The following PDGFD variants were observed in gnomAD, a reference collection of about 807,000 sequenced individuals.
PDGFD encodes the protein platelet-derived growth factor D.
In PDGFD, 30 loss-of-function variants were observed where a neutral mutation model predicts 44.7. That is an observed-to-expected ratio of 0.67 (90% CI 0.50 to 0.91). PDGFD has a LOEUF of 0.91. Among genes scored for constraint, PDGFD ranks in the 40% least tolerant of loss-of-function variants. PDGFD has a pLI of 0.00. For synonymous variants in PDGFD, 173 were observed against 168.4 expected, an observed-to-expected ratio of 1.03 and a Z score of -0.21; for missense variants, 445 against 457.8, an observed-to-expected ratio of 0.97 and a Z score of 0.25.
intron 1 of PDGFD, among the ~76,000 whole-genome samples, chr11:104,053,647 G>C (rs546250239): frequency 2.6e-5 from 4 of 152,166 alleles, no homozygotes; most frequent in Non-Finnish European, 5.9e-5. Flanking sequence ...TAAATTGGGA[G>C]GGGGCAAATC....
At chr11:104,042,089 A>G (rs1460434015) in intron 1 of PDGFD, among the ~76,000 whole-genome samples, 2 of 152,206 alleles carry the variant, frequency 1.3e-5, no homozygotes, top group African/African-American at 4.8e-5. Context: ...AAAGAAGAGG[A>G]GCAAACATAA....
intron 3 of PDGFD, among the ~76,000 whole-genome samples, chr11:103,976,985 C>T (rs536192004): frequency 7.2e-5 from 11 of 152,014 alleles, no homozygotes; most frequent in African/African-American, 2.7e-4. Flanking sequence ...ATCAAATAAA[C>T]AGAATAGAAA....
chr11:104,119,230 T>C (rs1168018597), intron 1 of PDGFD, among the ~76,000 whole-genome samples: 1 of 18,450 alleles, frequency 5.4e-5, no homozygotes, highest in Non-Finnish European at 1.1e-4. Flanking sequence ...ATTGATATAA[T>C]ATATAATATA....
At chr11:104,117,716 G>T (rs950721900) in intron 1 of PDGFD, among the ~76,000 whole-genome samples, 1 of 151,898 alleles carries the variant, frequency 6.6e-6, no homozygotes, top group African/African-American at 2.4e-5. Context: ...ACAAAACACT[G>T]CTAAAAGAAA....
intron 1 of PDGFD, chr11:104,036,962 T>C (rs1321230584): frequency 6.2e-7 from 1 of 1,614,200 alleles, no homozygotes; most frequent in South Asian, 1.1e-5. Flanking sequence ...GAGATCCAGA[T>C]CATCCACATG....
chr11:104,058,670 C>T (rs1342176895), intron 1 of PDGFD, among the ~76,000 whole-genome samples: 2 of 152,192 alleles, frequency 1.3e-5, no homozygotes, highest in African/African-American at 4.8e-5. Flanking sequence ...CAGAGCTATA[C>T]TCACATGTTC....
Position 103,996,176 on chromosome 11 carries a change from G to T in PDGFD, c.399C>A (p.His133Gln). ...ATTTTATCCTTGGAGGAACTTCCTT[G>T]TGTCCACACCATCGTCCTCTAATAA... is the stretch of plus-strand genomic sequence containing the variant. ...STIIRGRWCG[H>Q]KEVPPRIKSR... Residue 133 changes from histidine (H) to glutamine (Q), a missense_variant, in exon 3 of 7, where the codon CAC becomes CAA. Coordinates refer to ENST00000393158, the MANE Select transcript of PDGFD (RefSeq NM_025208.5). 6.2e-7 allele frequency: 1 copy of T among 1,613,446 alleles called. No homozygotes were observed. The highest frequency in any genetic ancestry group is 1.7e-4 in the Middle Eastern group (1 of 6,054).
In PDGFD at chr11:104,000,107, T is replaced by C; in HGVS notation, c.273A>G (p.Ile91Met). 4 of 1,614,152 alleles carry C rather than the reference T, an allele frequency of 2.5e-6. No homozygotes were observed. The highest frequency in any genetic ancestry group is 3.4e-6 in the Non-Finnish European group (4 of 1,180,010). ...WRLHSQENTRIQLVFDNQFGL... is the reference protein window; with the variant it reads ...WRLHSQENTRMQLVFDNQFGL... Reference sequence around the variant, plus strand: ...CAAACTGATTGTCAAACACTAGCTGTATCCGTGTATTCTCCTGAGAGTGAA... The same window carrying C: ...CAAACTGATTGTCAAACACTAGCTGCATCCGTGTATTCTCCTGAGAGTGAA... Residue 91 changes from isoleucine (I) to methionine (M), a missense_variant, in exon 2 of 7, where the codon ATA (isoleucine) becomes ATG (methionine). Coordinates refer to ENST00000393158, the MANE Select transcript of PDGFD (RefSeq NM_025208.5).
intron 3 of PDGFD, among the ~76,000 whole-genome samples, chr11:103,956,348 T>C (rs978097134): frequency 1.3e-5 from 2 of 151,230 alleles, no homozygotes; most frequent in African/African-American, 2.4e-5. Context: ...TTACTGAGAA[T>C]GATGATTTCC....
chr11:104,014,032 G>C (rs957224649), intron 1 of PDGFD, among the ~76,000 whole-genome samples: 2 of 152,140 alleles, frequency 1.3e-5, no homozygotes, highest in African/African-American at 4.8e-5. Context: ...TTCATCTTAA[G>C]AAGGATTCTG....
At chr11:104,086,935 T>C (rs1026673740) in intron 1 of PDGFD, among the ~76,000 whole-genome samples, 1 of 151,464 alleles carries the variant, frequency 6.6e-6, no homozygotes, top group African/African-American at 2.4e-5. Flanking sequence ...ATCGTTAGAA[T>C]CAGTGGTCTT....
intron 1 of PDGFD, among the ~76,000 whole-genome samples, chr11:104,019,886 C>T (rs260850): frequency 0.1 from 15,819 of 152,096 alleles, 931 homozygotes; most frequent in African/African-American, 0.14. Context: ...GGAAAAAAAT[C>T]ACCTAATCTA....
chr11:104,051,422 T>C (rs573358184), intron 1 of PDGFD, among the ~76,000 whole-genome samples: 2 of 152,296 alleles, frequency 1.3e-5, no homozygotes, highest in East Asian at 3.9e-4. Context: ...AGTTGACACC[T>C]TCATTAATGA....
chr11:104,004,859 G>C (rs1429237644), intron 1 of PDGFD, among the ~76,000 whole-genome samples: 2 of 132,830 alleles, frequency 1.5e-5, no homozygotes, highest in Non-Finnish European at 3.2e-5. Flanking sequence ...TTTGAGATAG[G>C]TATTATTACC....
chr11:103,925,706 C>T (rs1310729167), intron 6 of PDGFD, among the ~76,000 whole-genome samples: 1 of 95,452 alleles, frequency 1.0e-5, no homozygotes, highest in Admixed American at 9.3e-5. Flanking sequence ...TATACACAGA[C>T]ACACACACAC....
At chr11:104,061,372 T>G (rs1036926355) in intron 1 of PDGFD, among the ~76,000 whole-genome samples, 5 of 152,082 alleles carry the variant, frequency 3.3e-5, no homozygotes, top group African/African-American at 1.2e-4. Flanking sequence ...TAAGAGTAGA[T>G]TTTGCAACCC....
intron 1 of PDGFD, among the ~76,000 whole-genome samples, chr11:104,087,363 C>T (rs1861147363): frequency 6.6e-6 from 1 of 151,942 alleles, no homozygotes; most frequent in Non-Finnish European, 1.5e-5. Context: ...CACCTGCCAC[C>T]ACGCCTGCCT....
intron 1 of PDGFD, among the ~76,000 whole-genome samples, chr11:104,127,113 T>C (rs1021860521): frequency 6.6e-6 from 1 of 151,988 alleles, no homozygotes; most frequent in Non-Finnish European, 1.5e-5. Flanking sequence ...AGAGAAAAAC[T>C]AAACAAAGGT....
chr11:104,096,844 G>A (rs115121119), intron 1 of PDGFD, among the ~76,000 whole-genome samples: 2 of 152,122 alleles, frequency 1.3e-5, no homozygotes, highest in Non-Finnish European at 2.9e-5. Context: ...TCTTCAAAGG[G>A]TATAAAACTG....
Sources: allele counts gnomAD v4.1 joint callset (sites outside exome capture counted in the v4.1 genomes callset), GRCh38; gene constraint gnomAD v4.1.1; transcripts MANE v1.5; gene names NCBI Gene and HGNC (gene_info 2026-07-23, HGNC 2026-07-21).